CEP112: variants seen among roughly 807,000 people sequenced by gnomAD.
CEP112 encodes centrosomal protein 112.
CEP112 carries 127 observed loss-of-function variants against 153.0 expected under a neutral mutation model. The ratio of observed to expected loss-of-function variants is 0.83; its 90% CI spans 0.72 to 0.96. CEP112 has a LOEUF of 0.96. Among genes scored for constraint, CEP112 ranks in the 40% least tolerant of loss-of-function variants. The pLI is 0.00. For missense variants in CEP112, 1,089 were observed against 1,101.2 expected (o/e 0.99, Z 0.16); for synonymous variants, 358 against 374.4 (o/e 0.96, Z 0.51).
intron 6 of CEP112, among the ~76,000 whole-genome samples, chr17:66,097,776 T>G (rs2068410433): frequency 6.6e-6 from 1 of 152,204 alleles, no homozygotes; most frequent in African/African-American, 2.4e-5. Flanking sequence ...GTAGACATAT[T>G]GATAGTTATC....
At chr17:65,854,406 A>G (rs1056918400) in intron 20 of CEP112, among the ~76,000 whole-genome samples, 11 of 152,320 alleles carry the variant, frequency 7.2e-5, no homozygotes, top group Admixed American at 5.2e-4. Context: ...TGCACCAGGC[A>G]TCTTATTTTG....
Position 66,017,973 on chromosome 17 carries a change from C to T in CEP112, c.1656+9528G>A, listed in dbSNP as rs561555769. On this transcript the variant is annotated intron_variant, in intron 16 of 26. Transcript: ENST00000535342. ...TGAGATTGTGCCACTGCACTTCAGCCTGGGCAACAGAGCAAGACTCTGTCT... is the reference window on the plus strand; with the variant it reads ...TGAGATTGTGCCACTGCACTTCAGCTTGGGCAACAGAGCAAGACTCTGTCT... Among the ~76,000 whole-genome samples, 53 of 149,118 alleles carry T rather than the reference C, an allele frequency of 3.6e-4. No homozygotes were observed. In the East Asian group the frequency reaches 8.2e-3, roughly 23 times the overall value.
At chr17:66,031,318 T>C (rs2065455895) in intron 12 of CEP112, among the ~76,000 whole-genome samples, 1 of 148,508 alleles carries the variant, frequency 6.7e-6, no homozygotes, top group Non-Finnish European at 1.5e-5. Context: ...CTTCGTCTCT[T>C]GGAAACCAAA....
chr17:66,030,557 G>C (rs999407314), intron 12 of CEP112, among the ~76,000 whole-genome samples: 2 of 152,122 alleles, frequency 1.3e-5, no homozygotes, highest in Non-Finnish European at 2.9e-5. Flanking sequence ...TTGTGTTAGT[G>C]TGCAAGATTT....
chr17:65,865,915 A>C (rs1374771613), intron 20 of CEP112, among the ~76,000 whole-genome samples: 1 of 151,630 alleles, frequency 6.6e-6, no homozygotes, highest in African/African-American at 2.4e-5. Flanking sequence ...AGCTGGGCCC[A>C]GGGCGGTGCT....
intron 12 of CEP112, among the ~76,000 whole-genome samples, chr17:66,049,627 T>G (rs997482934): frequency 3.3e-5 from 5 of 152,206 alleles, no homozygotes; most frequent in African/African-American, 1.2e-4. Context: ...GGCACACACC[T>G]GTAATCTCAG....
chr17:66,015,338 T>C (rs967520268), intron 16 of CEP112, among the ~76,000 whole-genome samples: 5 of 152,184 alleles, frequency 3.3e-5, no homozygotes, highest in East Asian at 1.9e-4. Context: ...TTTAAATTCA[T>C]CTCTATTTTA....
intron 20 of CEP112, among the ~76,000 whole-genome samples, chr17:65,888,419 G>T (rs2059357864): frequency 6.6e-6 from 1 of 151,950 alleles, no homozygotes; most frequent in Non-Finnish European, 1.5e-5. Context: ...TTAGCGCAGT[G>T]ACTGCTACAC....
At chr17:66,159,280 A>G (rs12937574) in intron 4 of CEP112, among the ~76,000 whole-genome samples, 11,962 of 152,212 alleles carry the variant, frequency 0.079, 620 homozygotes, top group South Asian at 0.19. Context: ...TGCAAAGAGG[A>G]GCTGTTACCA....
chr17:65,810,678 C>G (rs2055896214), intron 21 of CEP112, among the ~76,000 whole-genome samples: 1 of 151,310 alleles, frequency 6.6e-6, no homozygotes, highest in South Asian at 2.1e-4. Flanking sequence ...CATACGTGAT[C>G]AAAGAATTCT....
At chr17:65,920,916 GTAATCTTCT>G (rs2060702583) in intron 19 of CEP112, among the ~76,000 whole-genome samples, 1 of 151,996 alleles carries the variant, frequency 6.6e-6, no homozygotes, top group Non-Finnish European at 1.5e-5. Context: ...CTCAATAAAT[GTAATCTTCT>G]TAATTCCAGC....
chr17:66,033,893 G>A (rs952605799), intron 12 of CEP112, among the ~76,000 whole-genome samples: 4 of 152,140 alleles, frequency 2.6e-5, no homozygotes, highest in African/African-American at 9.7e-5. Flanking sequence ...CAAAACAGCT[G>A]ACCTTGAATG....
At chr17:66,124,762 T>C (rs765602558) in intron 6 of CEP112, among the ~76,000 whole-genome samples, 9 of 152,104 alleles carry the variant, frequency 5.9e-5, no homozygotes, top group South Asian at 2.1e-4. Flanking sequence ...ACTATATCAG[T>C]GATTCTTCAT....
At chr17:65,933,527 G>A (rs1267941888) in intron 18 of CEP112, among the ~76,000 whole-genome samples, 1 of 152,182 alleles carries the variant, frequency 6.6e-6, no homozygotes, top group East Asian at 1.9e-4. Context: ...ACAGTGGGAA[G>A]ATATATACTC....
chr17:66,030,326 C>CAGTCT, intron 12 of CEP112, among the ~76,000 whole-genome samples: 1 of 152,120 alleles, frequency 6.6e-6, no homozygotes, highest in South Asian at 2.1e-4. Context: ...AGACAAAGTT[C>CAGTCT]CTATCCTCAG....
chr17:65,880,611 T>C (rs1391383343), intron 20 of CEP112, among the ~76,000 whole-genome samples: 7 of 152,186 alleles, frequency 4.6e-5, no homozygotes, highest in Non-Finnish European at 1.0e-4. Context: ...GGTAGCATTG[T>C]CTGCTTTCTG....
intron 21 of CEP112, among the ~76,000 whole-genome samples, chr17:65,751,594 G>A (rs886830255): frequency 6.6e-6 from 1 of 152,034 alleles, no homozygotes; most frequent in African/African-American, 2.4e-5. Flanking sequence ...CCCTGAGTAT[G>A]TCTCTCCCTG....
chr17:65,640,353 C>T (rs947270693), intron 25 of CEP112, among the ~76,000 whole-genome samples: 4 of 151,708 alleles, frequency 2.6e-5, no homozygotes, highest in Non-Finnish European at 5.9e-5. Context: ...GGGATTTTGC[C>T]GTGTTGGCCA....
intron 19 of CEP112, among the ~76,000 whole-genome samples, chr17:65,905,430 T>C (rs1192371560): frequency 6.6e-6 from 1 of 152,050 alleles, no homozygotes; most frequent in Non-Finnish European, 1.5e-5. Flanking sequence ...AGAATGGTGA[T>C]CATAAAAAGT....
Sources: gnomAD v4.1 joint callset for allele counts (sites outside exome capture counted in the v4.1 genomes callset) on GRCh38, gnomAD v4.1.1 for gene constraint, MANE v1.5 for transcripts, NCBI Gene and HGNC (gene_info 2026-07-23, HGNC 2026-07-21) for gene names.